MAGEC3: variants seen among roughly 807,000 people sequenced by gnomAD.
The protein encoded by MAGEC3 is MAGE family member C3.
Under a neutral mutation model 35.3 loss-of-function variants are expected in MAGEC3, and 34 were observed. The observed-to-expected ratio is 0.96, with a 90% CI of 0.73 to 1.28. The LOEUF (loss-of-function observed/expected upper bound fraction) is 1.28, where lower values mean the gene tolerates loss of function less well. Among genes scored for constraint, MAGEC3 ranks in the 50% most tolerant of loss-of-function variants. The pLI is 0.00. For synonymous variants in MAGEC3, 202 were observed against 185.6 expected, an observed-to-expected ratio of 1.09 and a Z score of -0.72; for missense variants, 561 against 483.6, an observed-to-expected ratio of 1.16 and a Z score of -1.50.
intron 1 of MAGEC3, among the ~76,000 whole-genome samples, chrX:141,856,404 A>G (rs749412079): frequency 4.2e-4 from 47 of 111,593 alleles, no homozygotes; most frequent in African/African-American, 1.5e-3. Flanking sequence ...GCCCTTTTCT[A>G]TACTTTAATT....
At chrX:141,844,698 A>G (rs756222138) in intron 1 of MAGEC3, among the ~76,000 whole-genome samples, 1 of 111,183 alleles carries the variant, frequency 9.0e-6, no homozygotes, top group South Asian at 3.7e-4. Flanking sequence ...TGTTTTTATT[A>G]GGCAGTATTC....
chrX:141,897,318 C>T lies in MAGEC3; in HGVS notation c.1560C>T (p.Asn520=), dbSNP rs777559459. The T allele has an allele frequency of 8.3e-7, 1 of 1,211,749 alleles. No individual in the cohort carries two copies. The highest frequency in any genetic ancestry group is 1.8e-5 in the South Asian group (1 of 56,922). ...GIALTDMDPD[N]HSYFFEDTLD... ...CCCTGACTGATATGGACCCCGACAACCACTCCTATTTCTTTGAAGACACAT... is the reference window on the plus strand; with the variant it reads ...CCCTGACTGATATGGACCCCGACAATCACTCCTATTTCTTTGAAGACACAT... Residue 520 remains asparagine (N), a synonymous_variant, in exon 7 of 8, where the codon AAC becomes AAT. Transcript: ENST00000298296.
chrX:141,843,783 TTTG>T (rs2124080442), intron 1 of MAGEC3, among the ~76,000 whole-genome samples: 1 of 110,978 alleles, frequency 9.0e-6, no homozygotes, highest in East Asian at 2.9e-4. Flanking sequence ...TTGATGTTAG[TTTG>T]TTTTCATTTT....
At chrX:141,896,023 T>C (rs963128469) in intron 6 of MAGEC3, among the ~76,000 whole-genome samples, 2 of 109,799 alleles carry the variant, frequency 1.8e-5, no homozygotes. Flanking sequence ...CATGGCCCTG[T>C]CTGAGAAAAG....
chrX:141,855,506 A>G (rs2017775132), intron 1 of MAGEC3, among the ~76,000 whole-genome samples: 2 of 107,000 alleles, frequency 1.9e-5, no homozygotes, highest in African/African-American at 6.7e-5. Flanking sequence ...GCTATAATCT[A>G]TATATATGAT....
At chrX:141,885,306 CT>C (rs202177182) in intron 4 of MAGEC3, among the ~76,000 whole-genome samples, 4,021 of 110,685 alleles carry the variant, frequency 0.036, 74 homozygotes, top group Non-Finnish European at 0.058. Flanking sequence ...TTTAATCAGA[CT>C]GAATTTATTG....
At chrX:141,842,810 C>A (rs1440808170) in intron 1 of MAGEC3, among the ~76,000 whole-genome samples, 2 of 111,664 alleles carry the variant, frequency 1.8e-5, no homozygotes, top group South Asian at 3.7e-4. Context: ...TAAAACACTT[C>A]ATCTCTCCTA....
At chrX:141,874,054 T>C (rs922407066) in intron 2 of MAGEC3, among the ~76,000 whole-genome samples, 2 of 111,624 alleles carry the variant, frequency 1.8e-5, no homozygotes, top group Non-Finnish European at 3.8e-5. Context: ...ATCCCAGAAA[T>C]AGACCTACAG....
rs2017789484 is a variant in MAGEC3, at chrX:141,857,668, C to G, written c.124-7803C>G. On this transcript the variant is annotated intron_variant, in intron 1 of 7. Coordinates refer to ENST00000298296, the MANE Select transcript of MAGEC3 (RefSeq NM_138702.1). ...TGCCTGGAATGTTCTTTCCTATACTCCAGATGACTCCACCCCACTTTACTC... is the reference window on the plus strand; with the variant it reads ...TGCCTGGAATGTTCTTTCCTATACTGCAGATGACTCCACCCCACTTTACTC... Among the ~76,000 whole-genome samples the G allele has an allele frequency of 2.7e-5, 3 of 110,970 alleles. No individual in the cohort carries two copies. In the South Asian group the frequency reaches 1.1e-3, roughly 42 times the overall value.
At chrX:141,876,650 G>A (rs2017921890) in intron 2 of MAGEC3, among the ~76,000 whole-genome samples, 1 of 111,699 alleles carries the variant, frequency 9.0e-6, no homozygotes, top group African/African-American at 3.3e-5. Context: ...GTATTTCTGA[G>A]GTTTTTTATA....
At chrX:141,891,741 TTA>T (rs1404962697) in intron 4 of MAGEC3, among the ~76,000 whole-genome samples, 2 of 103,382 alleles carry the variant, frequency 1.9e-5, no homozygotes, top group African/African-American at 3.6e-5. Context: ...ATGCATATAT[TTA>T]TATATGTGTG....
At chrX:141,852,482 T>C (rs2017756911) in intron 1 of MAGEC3, among the ~76,000 whole-genome samples, 1 of 110,937 alleles carries the variant, frequency 9.0e-6, no homozygotes, top group African/African-American at 3.3e-5. Flanking sequence ...AGCTCTATGT[T>C]GAATAGAAAT....
intron 1 of MAGEC3, among the ~76,000 whole-genome samples, chrX:141,852,457 C>A (rs1414502299): frequency 9.1e-6 from 1 of 110,465 alleles, no homozygotes; most frequent in Non-Finnish European, 1.9e-5. Context: ...CCTAATTGCA[C>A]TAGGTTATAC....
intron 4 of MAGEC3, among the ~76,000 whole-genome samples, chrX:141,883,845 TGACA>T (rs939203076): frequency 3.5e-5 from 4 of 113,127 alleles, no homozygotes; most frequent in African/African-American, 1.3e-4. Flanking sequence ...AAGTGTTCCT[TGACA>T]GACAGGCTAG....
chrX:141,877,364 A>G (rs1290234782), intron 2 of MAGEC3, among the ~76,000 whole-genome samples: 3 of 111,667 alleles, frequency 2.7e-5, no homozygotes, highest in African/African-American at 9.8e-5. Flanking sequence ...ATATTTTGGT[A>G]CTATAGGTTA....
rs776025648 is a variant in MAGEC3, at chrX:141,881,485, C to G, written c.598C>G (p.Gln200Glu). ...KLVQFLLLKY[Q>E]AKEPLTRAEM... Reference sequence around the variant, plus strand: ...GGTGCAGTTTCTTCTCCTCAAATATCAAGCAAAAGAGCCTCTCACAAGAGC... The same window carrying G: ...GGTGCAGTTTCTTCTCCTCAAATATGAAGCAAAAGAGCCTCTCACAAGAGC... Residue 200 changes from glutamine to glutamate, a missense_variant, in exon 4 of 8, where the codon CAA becomes GAA. By Grantham distance (29) the Gln-to-Glu change is conservative (BLOSUM62 2). Coordinates refer to ENST00000298296, the MANE Select transcript of MAGEC3 (RefSeq NM_138702.1). The G allele has an allele frequency of 2.5e-6, 3 of 1,211,233 alleles. No homozygotes were observed. The Admixed American group carries it at 6.5e-5, about 26-fold the overall frequency.
chrX:141,844,633 G>A (rs1345443767), intron 1 of MAGEC3, among the ~76,000 whole-genome samples: 2 of 110,938 alleles, frequency 1.8e-5, no homozygotes, highest in Non-Finnish European at 3.8e-5. Context: ...ATATATGTGA[G>A]ACCTTCTCAC....
intron 3 of MAGEC3, among the ~76,000 whole-genome samples, chrX:141,879,767 G>A (rs1298601264): frequency 9.0e-6 from 1 of 110,932 alleles, no homozygotes; most frequent in Non-Finnish European, 1.9e-5. Context: ...AGGGCCCTAA[G>A]GGAGAACTGA....
intron 1 of MAGEC3, among the ~76,000 whole-genome samples, chrX:141,865,097 A>G (rs1452088377): frequency 8.9e-6 from 1 of 111,790 alleles, no homozygotes; most frequent in Non-Finnish European, 1.9e-5. Flanking sequence ...GGATTTTGAA[A>G]GCCCTTTCTG....
Sources: gnomAD v4.1 joint callset for allele counts (sites outside exome capture counted in the v4.1 genomes callset) on GRCh38, gnomAD v4.1.1 for gene constraint, MANE v1.5 for transcripts, NCBI Gene and HGNC (gene_info 2026-07-23, HGNC 2026-07-21) for gene names.